IGF2BP2: variants seen among roughly 807,000 people sequenced by gnomAD.
The protein encoded by IGF2BP2 is insulin like growth factor 2 mRNA binding protein 2, also known as insulin-like growth factor 2 mRNA-binding protein 2.
Under a neutral mutation model 75.8 loss-of-function variants are expected in IGF2BP2, and 17 were observed. The ratio of observed to expected loss-of-function variants is 0.22; its 90% CI spans 0.15 to 0.34. The LOEUF (loss-of-function observed/expected upper bound fraction) is 0.34. Ranked by LOEUF, IGF2BP2 falls within the 10% of genes least tolerant of loss-of-function variation. IGF2BP2 has a pLI of 1.00. For synonymous variants in IGF2BP2, 288 were observed against 295.6 expected (o/e 0.97, Z 0.26); for missense variants, 516 against 772.4 (o/e 0.67, Z 3.93).
intron 2 of IGF2BP2, among the ~76,000 whole-genome samples, chr3:185,736,300 C>T (rs1728842499): frequency 6.6e-6 from 1 of 152,194 alleles, no homozygotes; most frequent in Admixed American, 6.5e-5. Context: ...ACAAACCCTT[C>T]CATTCCAAAC....
intron 2 of IGF2BP2, among the ~76,000 whole-genome samples, chr3:185,756,645 C>T (rs1731655843): frequency 6.6e-6 from 1 of 152,144 alleles, no homozygotes; most frequent in South Asian, 2.1e-4. Context: ...CCATCTATGG[C>T]CACGTGTTTT....
intron 2 of IGF2BP2, among the ~76,000 whole-genome samples, chr3:185,718,683 TCAAAAAAAAAAA>T (rs1560351769): frequency 9.0e-5 from 2 of 22,122 alleles, no homozygotes; most frequent in African/African-American, 3.8e-4. Context: ...AGACTCTGTC[TCAAAAAAAAAAA>T]AAAAAAAAAA....
chr3:185,713,386 T>C (rs757389204), intron 2 of IGF2BP2: 3 of 519,726 alleles, frequency 5.8e-6, no homozygotes, highest in East Asian at 5.4e-5. Flanking sequence ...ACTTAAGGCA[T>C]GGCACATTTA....
At position 185,824,991 on chromosome 3, in the gene IGF2BP2, C is replaced by T; in HGVS notation, c.-31G>A. ...TCTTCCCCGAGAGCCCGCGGCTCCCCCGGCCCGGTACCCGGCGCTCCTCGC... is the reference window on the plus strand; with the variant it reads ...TCTTCCCCGAGAGCCCGCGGCTCCCTCGGCCCGGTACCCGGCGCTCCTCGC... On this transcript the variant is annotated 5_prime_UTR_variant, in exon 1 of 16. Transcript: ENST00000382199. 2.7e-6 allele frequency: 4 copies of T among 1,458,072 alleles called. No homozygotes were observed. The highest frequency in any genetic ancestry group is 3.7e-6 in the Non-Finnish European group (4 of 1,087,182). The allele number at this position is 1,458,072 out of a possible 1,614,324, so 90.3% of individuals were successfully genotyped here.
intron 12 of IGF2BP2, among the ~76,000 whole-genome samples, chr3:185,653,464 C>T (rs2149071948): frequency 6.6e-6 from 1 of 151,930 alleles, no homozygotes; most frequent in South Asian, 2.1e-4. Context: ...CTACTAAAAA[C>T]ACAAAAATCA....
At chr3:185,792,230 C>A (rs7619232) in intron 2 of IGF2BP2, among the ~76,000 whole-genome samples, 1 of 152,046 alleles carries the variant, frequency 6.6e-6, no homozygotes, top group Non-Finnish European at 1.5e-5. Context: ...CAAATTATGG[C>A]CCCTCCAAAA....
chr3:185,758,561 A>G (rs1162632493), intron 2 of IGF2BP2, among the ~76,000 whole-genome samples: 1 of 152,234 alleles, frequency 6.6e-6, no homozygotes, highest in Non-Finnish European at 1.5e-5. Context: ...AGCTGTTGCT[A>G]TTGCTGAAGG....
chr3:185,779,583 T>A (rs760204756), intron 2 of IGF2BP2, among the ~76,000 whole-genome samples: 7 of 152,214 alleles, frequency 4.6e-5, no homozygotes, highest in Non-Finnish European at 7.3e-5. Flanking sequence ...CTATTCCAAG[T>A]GTGGTCCCTG....
intron 2 of IGF2BP2, among the ~76,000 whole-genome samples, chr3:185,736,778 A>G (rs1304704280): frequency 6.6e-6 from 1 of 152,218 alleles, no homozygotes; most frequent in African/African-American, 2.4e-5. Flanking sequence ...CGGACTGCAC[A>G]ATGTTGGGGA....
chr3:185,762,518 G>A (rs557309154), intron 2 of IGF2BP2, among the ~76,000 whole-genome samples: 4 of 148,118 alleles, frequency 2.7e-5, no homozygotes, highest in African/African-American at 9.9e-5. Flanking sequence ...GGGTGACAGA[G>A]GGAAGCTCGG....
At chr3:185,689,213 G>T in intron 6 of IGF2BP2, 142 bp downstream of exon 6, 1 of 802,394 alleles carries the variant, frequency 1.2e-6, no homozygotes, top group Non-Finnish European at 2.0e-6. Context: ...TCTGTTAGTA[G>T]TCCTGTTGAA....
At chr3:185,806,709 T>C (rs1278857127) in intron 2 of IGF2BP2, among the ~76,000 whole-genome samples, 1 of 152,216 alleles carries the variant, frequency 6.6e-6, no homozygotes, top group African/African-American at 2.4e-5. Flanking sequence ...TCATTTAACA[T>C]CAACATGGAT....
At chr3:185,731,099 T>C (rs1190719046) in intron 2 of IGF2BP2, among the ~76,000 whole-genome samples, 2 of 152,186 alleles carry the variant, frequency 1.3e-5, no homozygotes, top group African/African-American at 2.4e-5. Flanking sequence ...ACTCCAGATG[T>C]GGTAAATATC....
At chr3:185,785,659 T>TAA (rs887984525) in intron 2 of IGF2BP2, among the ~76,000 whole-genome samples, 4 of 149,950 alleles carry the variant, frequency 2.7e-5, no homozygotes, top group African/African-American at 9.9e-5. Context: ...CCTCTAAAAA[T>TAA]AAAAAAAATA....
chr3:185,742,322 C>T (rs549272551), intron 2 of IGF2BP2, among the ~76,000 whole-genome samples: 3 of 152,056 alleles, frequency 2.0e-5, no homozygotes, highest in Admixed American at 6.6e-5. Context: ...GGTGAAACCC[C>T]ATCTCTACTA....
chr3:185,789,815 C>A (rs941968009), intron 2 of IGF2BP2, among the ~76,000 whole-genome samples: 2 of 149,640 alleles, frequency 1.3e-5, no homozygotes, highest in Non-Finnish European at 3.0e-5. Flanking sequence ...CTCACTGCAA[C>A]CTCCAACACC....
At chr3:185,684,145 G>C (rs1720777549) in intron 7 of IGF2BP2, among the ~76,000 whole-genome samples, 1 of 152,190 alleles carries the variant, frequency 6.6e-6, no homozygotes, top group Admixed American at 6.5e-5. Flanking sequence ...GTTCACTGCT[G>C]AGTTCCTGGC....
chr3:185,794,638 CT>C (rs143589698), intron 2 of IGF2BP2, among the ~76,000 whole-genome samples: 1 of 148,690 alleles, frequency 6.7e-6, no homozygotes, highest in Non-Finnish European at 1.5e-5. Flanking sequence ...GAGGTCACAT[CT>C]TTTTTTTTCA....
At chr3:185,772,518 C>T (rs897663103) in intron 2 of IGF2BP2, among the ~76,000 whole-genome samples, 8 of 150,984 alleles carry the variant, frequency 5.3e-5, no homozygotes, top group African/African-American at 1.5e-4. Flanking sequence ...ATCACTATAT[C>T]ATCATCAATC....
Sources: gnomAD v4.1 joint callset for allele counts (sites outside exome capture counted in the v4.1 genomes callset) on GRCh38, gnomAD v4.1.1 for gene constraint, MANE v1.5 for transcripts, NCBI Gene and HGNC (gene_info 2026-07-23, HGNC 2026-07-21) for gene names.